The following MAGI1 variants were observed in gnomAD, a reference collection of about 807,000 sequenced individuals.
The protein encoded by MAGI1 is membrane associated guanylate kinase, WW and PDZ domain containing 1, also known as membrane-associated guanylate kinase, WW and PDZ domain-containing protein 1.
Under a neutral mutation model 139.9 loss-of-function variants are expected in MAGI1, and 58 were observed. The ratio of observed to expected loss-of-function variants is 0.41; its 90% confidence interval spans 0.34 to 0.52. MAGI1 has a LOEUF of 0.52. Among genes scored for constraint, MAGI1 ranks in the 20% least tolerant of loss-of-function variants. The pLI is 0.12. For synonymous variants in MAGI1, 812 were observed against 737.9 expected (o/e 1.10, Z -1.63); for missense variants, 1,874 against 1,901.6 (o/e 0.99, Z 0.27).
In MAGI1 at chr3:65,688,219, A is replaced by G. The variant is rs946391752; in HGVS notation, c.314-66131T>C. 4.2e-5 allele frequency: 34 copies of G among 801,326 alleles called. No individual in the cohort carries two copies. The African/African-American group carries it at 5.3e-4, about 13-fold the overall frequency. The allele number at this position is 801,326 out of a possible 1,614,324, so 49.6% of individuals were successfully genotyped here. On this transcript the variant is annotated intron_variant, in intron 1 of 22. Transcript: ENST00000402939. The stretch of plus-strand genomic sequence containing the variant: ...CACACAGTCATGACCCTAGAACAGC[A>G]GGACATAGTCTGCTACACAGCCCAG...
chr3:65,912,866 G>A (rs2061727289), intron 1 of MAGI1, among the ~76,000 whole-genome samples: 1 of 152,072 alleles, frequency 6.6e-6, no homozygotes, highest in Admixed American at 6.6e-5. Context: ...AGCTACACTA[G>A]GTACAAGTCA....
At chr3:65,837,554 C>A (rs756854494) in intron 1 of MAGI1, among the ~76,000 whole-genome samples, 11 of 152,210 alleles carry the variant, frequency 7.2e-5, no homozygotes, top group Middle Eastern at 3.2e-3. Context: ...AAATATGCCA[C>A]GACCCCACCC....
At chr3:65,465,506 A>T (rs1323493928) in intron 5 of MAGI1, among the ~76,000 whole-genome samples, 1 of 152,088 alleles carries the variant, frequency 6.6e-6, no homozygotes, top group Non-Finnish European at 1.5e-5. Flanking sequence ...TTTTCACTGG[A>T]TGTAGAATTT....
chr3:65,699,274 T>A (rs1387089154), intron 1 of MAGI1, among the ~76,000 whole-genome samples: 1 of 124,126 alleles, frequency 8.1e-6, no homozygotes, highest in Non-Finnish European at 1.7e-5. Context: ...TTTACACTGT[T>A]GGTGGGACTG....
At position 65,444,570 on chromosome 3, in the gene MAGI1, T is replaced by C. The variant is rs9862326; in HGVS notation, c.1079-1721A>G. Among the ~76,000 whole-genome samples, 579 of 152,258 alleles carry C rather than the reference T, an allele frequency of 3.8e-3. 3 individuals carry two copies. Among genetic ancestry groups the C allele is most frequent in the African/African-American group, 0.013 (550 of 41,538 alleles). Reference sequence around the variant, plus strand: ...GCTTTTAAGTTACTCAGTTATTAATTTGACAAACATTTGTTGAATGCCTAC... The same window carrying C: ...GCTTTTAAGTTACTCAGTTATTAATCTGACAAACATTTGTTGAATGCCTAC... On this transcript the variant is annotated intron_variant, in intron 7 of 22. Transcript: ENST00000402939.
chr3:65,832,444 A>G (rs1043144772), intron 1 of MAGI1, among the ~76,000 whole-genome samples: 2 of 152,188 alleles, frequency 1.3e-5, no homozygotes, highest in African/African-American at 4.8e-5. Flanking sequence ...AAAGGCTTAC[A>G]GCAATTCCTC....
At chr3:65,721,151 T>A (rs146171552) in intron 1 of MAGI1, among the ~76,000 whole-genome samples, 1 of 152,166 alleles carries the variant, frequency 6.6e-6, no homozygotes, top group Non-Finnish European at 1.5e-5. Flanking sequence ...CAACGCCCTA[T>A]TGCTTTTAAC....
At position 65,438,295 on chromosome 3, in the gene MAGI1, A is replaced by T. The variant is rs190088768; in HGVS notation, c.1271-1048T>A. On this transcript the variant is annotated intron_variant, in intron 9 of 22. Coordinates refer to ENST00000402939, the MANE Select transcript of MAGI1 (RefSeq NM_001033057.2). Reference sequence around the variant, plus strand: ...TCAGAAACAGAAAGTGAAACACCACATGTTCTCACTTCTGAGTGGGAGCTA... The same window carrying T: ...TCAGAAACAGAAAGTGAAACACCACTTGTTCTCACTTCTGAGTGGGAGCTA... Among the ~76,000 whole-genome samples, 5 of 152,322 alleles carry T rather than the reference A, an allele frequency of 3.3e-5. No homozygotes were observed. The East Asian group carries it at 9.6e-4, about 29-fold the overall frequency.
chr3:65,963,452 C>T (rs2064566907), intron 1 of MAGI1, among the ~76,000 whole-genome samples: 1 of 152,032 alleles, frequency 6.6e-6, no homozygotes, highest in Non-Finnish European at 1.5e-5. Context: ...CCCGTCTCTA[C>T]TAAAAACACA....
At chr3:65,509,483 C>T (rs1463214974) in intron 2 of MAGI1, among the ~76,000 whole-genome samples, 1 of 152,206 alleles carries the variant, frequency 6.6e-6, no homozygotes, top group East Asian at 1.9e-4. Context: ...TGAGGCACTG[C>T]CTCACTTGGG....
chr3:65,731,263 A>T (rs17073590), intron 1 of MAGI1, among the ~76,000 whole-genome samples: 3,053 of 152,304 alleles, frequency 0.02, 103 homozygotes, highest in African/African-American at 0.068. Context: ...TCAGACATAC[A>T]TAAAAGGAAT....
chr3:65,479,625 A>G (rs557092492), intron 3 of MAGI1, among the ~76,000 whole-genome samples: 6 of 152,282 alleles, frequency 3.9e-5, no homozygotes, highest in African/African-American at 1.4e-4. Context: ...AGAATTTAAG[A>G]AAAAAAGCAA....
chr3:65,724,578 T>G (rs750629361), intron 1 of MAGI1, among the ~76,000 whole-genome samples: 3 of 152,212 alleles, frequency 2.0e-5, no homozygotes, highest in Non-Finnish European at 4.4e-5. Flanking sequence ...CGACACATAC[T>G]AGGTGCTCAA....
At chr3:66,037,925 G>C (rs1355812365) in intron 1 of MAGI1, 71 bp downstream of exon 1, 1 of 1,509,482 alleles carries the variant, frequency 6.6e-7, no homozygotes, top group Non-Finnish European at 8.9e-7. Context: ...GCAGGAAATC[G>C]AGAATAAGGG....
intron 17 of MAGI1, among the ~76,000 whole-genome samples, chr3:65,376,342 TTC>T (rs1277554601): frequency 2.0e-5 from 3 of 152,246 alleles, no homozygotes; most frequent in Non-Finnish European, 2.9e-5. Flanking sequence ...CTTTTACTCA[TTC>T]TGTGTTCATG....
At chr3:65,626,754 T>C (rs148666182) in intron 1 of MAGI1, among the ~76,000 whole-genome samples, 2 of 152,356 alleles carry the variant, frequency 1.3e-5, no homozygotes, top group Non-Finnish European at 2.9e-5. Flanking sequence ...AGACAGAGTT[T>C]ACTATGCTGC....
At chr3:65,751,761 T>C (rs1272075699) in intron 1 of MAGI1, among the ~76,000 whole-genome samples, 3 of 152,176 alleles carry the variant, frequency 2.0e-5, no homozygotes, top group East Asian at 1.9e-4. Context: ...CTGAAGAAAA[T>C]ATATTAAAAC....
chr3:65,555,222 G>T (rs1481972826), intron 2 of MAGI1, among the ~76,000 whole-genome samples: 1 of 152,092 alleles, frequency 6.6e-6, no homozygotes, highest in African/African-American at 2.4e-5. Context: ...CCCATGCTAG[G>T]CCCTTCCAGA....
chr3:65,930,315 CAAAAAAAAAAAAAAAAA>C (rs58258730), intron 1 of MAGI1, among the ~76,000 whole-genome samples: 4 of 87,630 alleles, frequency 4.6e-5, no homozygotes, highest in Admixed American at 1.5e-4. Flanking sequence ...GACTCCGTCT[CAAAAAAAAAAAAAAAAA>C]AAAAAAAAAT....
Sources: allele counts gnomAD v4.1 joint callset (sites outside exome capture counted in the v4.1 genomes callset), GRCh38; gene constraint gnomAD v4.1.1; transcripts MANE v1.5; gene names NCBI Gene and HGNC (gene_info 2026-07-23, HGNC 2026-07-21).